The following ELOVL6 variants were observed in gnomAD, a reference collection of about 807,000 sequenced individuals.
ELOVL6 encodes ELOVL fatty acid elongase 6, also known as very long chain fatty acid elongase 6.
ELOVL6 carries 8 observed loss-of-function variants against 31.7 expected under a neutral mutation model. The ratio of observed to expected loss-of-function variants is 0.25; its 90% confidence interval spans 0.15 to 0.45. The LOEUF is 0.45. ELOVL6 is among the 20% of genes least tolerant of loss of function. ELOVL6 has a pLI of 1.00. For missense variants in ELOVL6, 126 were observed against 326.4 expected (o/e 0.39, Z 4.73); for synonymous variants, 101 against 117.7 (o/e 0.86, Z 0.92).
At chr4:110,079,139 T>G (rs1306256656) in intron 2 of ELOVL6, among the ~76,000 whole-genome samples, 1 of 152,164 alleles carries the variant, frequency 6.6e-6, no homozygotes, top group African/African-American at 2.4e-5. Context: ...ACAATAATAA[T>G]GGGAGACTTT....
rs146917779 is a variant in ELOVL6, at chr4:110,168,343, C to T, written c.89+29904G>A. Among the ~76,000 whole-genome samples the T allele has an allele frequency of 1.4e-3, 210 of 151,846 alleles. 1 individual carries two copies. Among genetic ancestry groups the T allele is most frequent in the African/African-American group, 4.9e-3 (202 of 41,392 alleles). On this transcript the variant is annotated intron_variant, in intron 1 of 3. Transcript: ENST00000302274. ...CGGCTTGGGCAACAAGGCGAAACCC[C>T]GTCTCTACTAAAAAAATATGCAAAA...
rs1451605049 is a variant in ELOVL6, at chr4:110,048,477, G to C, written c.*2861C>G. The C allele has an allele frequency of 1.3e-5, 2 of 152,086 alleles. No homozygotes were observed. The highest frequency in any genetic ancestry group is 1.3e-4 in the Admixed American group (2 of 15,270). The allele number at this position is 152,086 out of a possible 1,614,324, so 9.4% of individuals were successfully genotyped here. A position where few individuals can be genotyped will look rare whatever the true frequency, so the allele number is the denominator to read the frequency against. ...TGCAGTGGAAAATCTTCAATAGAAA[G>C]ATACTCTATTGCAGCATAGTGGGGC... On this transcript the variant is annotated 3_prime_UTR_variant, in exon 4 of 4. Transcript: ENST00000302274.
intron 2 of ELOVL6, among the ~76,000 whole-genome samples, chr4:110,081,577 T>C (rs913964622): frequency 6.6e-6 from 1 of 151,362 alleles, no homozygotes; most frequent in Non-Finnish European, 1.5e-5. Context: ...CCTTACACCT[T>C]ATACAAAAAT....
At chr4:110,178,582 C>T (rs903388755) in intron 1 of ELOVL6, among the ~76,000 whole-genome samples, 9 of 151,384 alleles carry the variant, frequency 5.9e-5, no homozygotes, top group South Asian at 2.1e-4. Context: ...ATGGGCCAGA[C>T]GCGGTGGCTC....
intron 1 of ELOVL6, among the ~76,000 whole-genome samples, chr4:110,178,014 T>C (rs1478014651): frequency 6.6e-6 from 1 of 152,164 alleles, no homozygotes; most frequent in Non-Finnish European, 1.5e-5. Context: ...AAGCTACTAG[T>C]TTTCTTTGCC....
intron 1 of ELOVL6, among the ~76,000 whole-genome samples, chr4:110,120,114 C>T (rs1245626108): frequency 8.6e-5 from 13 of 152,040 alleles, no homozygotes; most frequent in Admixed American, 8.5e-4. Context: ...CAAAGCATGC[C>T]CTTTGAGAAT....
chr4:110,113,312 G>A (rs1378677002), intron 1 of ELOVL6, among the ~76,000 whole-genome samples: 1 of 152,024 alleles, frequency 6.6e-6, no homozygotes, highest in African/African-American at 2.4e-5. Context: ...GGGCATGGTG[G>A]CTCATGCCTG....
chr4:110,185,180 A>C (rs909573412), intron 1 of ELOVL6, among the ~76,000 whole-genome samples: 1 of 152,222 alleles, frequency 6.6e-6, no homozygotes, highest in Non-Finnish European at 1.5e-5. Flanking sequence ...GTGCAATCAC[A>C]CATAATATCA....
At chr4:110,141,326 G>T (rs1757948553) in intron 1 of ELOVL6, among the ~76,000 whole-genome samples, 1 of 152,136 alleles carries the variant, frequency 6.6e-6, no homozygotes, top group African/African-American at 2.4e-5. Context: ...GCCTCCTAAA[G>T]TGCTGGGATT....
At chr4:110,146,124 T>C (rs952154138) in intron 1 of ELOVL6, among the ~76,000 whole-genome samples, 1 of 152,126 alleles carries the variant, frequency 6.6e-6, no homozygotes, top group Non-Finnish European at 1.5e-5. Flanking sequence ...CAAAACAGCA[T>C]GGTACTGCTG....
intron 1 of ELOVL6, among the ~76,000 whole-genome samples, chr4:110,148,389 G>A (rs1029524346): frequency 1.1e-4 from 16 of 151,048 alleles, no homozygotes; most frequent in Non-Finnish European, 1.6e-4. Flanking sequence ...AAAGACAAAC[G>A]CTGCATCTTC....
chr4:110,119,230 G>T (rs111373673), intron 1 of ELOVL6, among the ~76,000 whole-genome samples: 533 of 152,188 alleles, frequency 3.5e-3, no homozygotes, highest in African/African-American at 0.012. Flanking sequence ...CCAGTATGTA[G>T]AGGTTGCAGT....
chr4:110,066,825 T>A (rs1755319651), intron 2 of ELOVL6, among the ~76,000 whole-genome samples: 1 of 152,084 alleles, frequency 6.6e-6, no homozygotes, highest in Non-Finnish European at 1.5e-5. Context: ...GGTATACATG[T>A]GCCATGGTGG....
At chr4:110,108,307 C>A (rs956709517) in intron 1 of ELOVL6, among the ~76,000 whole-genome samples, 1 of 152,078 alleles carries the variant, frequency 6.6e-6, no homozygotes, top group Admixed American at 6.6e-5. Flanking sequence ...CAATCATAAA[C>A]CAAGTTAAAT....
At chr4:110,168,168 G>T (rs1416536784) in intron 1 of ELOVL6, among the ~76,000 whole-genome samples, 1 of 152,048 alleles carries the variant, frequency 6.6e-6, no homozygotes, top group Non-Finnish European at 1.5e-5. Flanking sequence ...TCATTTTTAG[G>T]TGTATTTTTA....
chr4:110,084,216 AACT>A, intron 2 of ELOVL6, among the ~76,000 whole-genome samples: 1 of 76,762 alleles, frequency 1.3e-5, no homozygotes, highest in South Asian at 4.3e-4. Flanking sequence ...TATAACATAT[AACT>A]TATATGATAT....
chr4:110,045,920 G>T lies in ELOVL6; in HGVS notation c.*5418C>A, dbSNP rs371687507. The stretch of plus-strand genomic sequence containing the variant: ...AGGAAAAAATATTTTTTTTAATGTC[G>T]TGAAATAAGCACTTGAAAATAACAA... On this transcript the variant is annotated 3_prime_UTR_variant, in exon 4 of 4. Transcript: ENST00000302274. 1 of 151,812 alleles carries T rather than the reference G, an allele frequency of 6.6e-6. No homozygotes were observed. The highest frequency in any genetic ancestry group is 2.4e-5 in the African/African-American group (1 of 41,282). 9.4% of individuals were successfully genotyped at this position (151,812 alleles called of 1,614,324 possible). A position where few individuals can be genotyped will look rare whatever the true frequency, so the allele number is the denominator to read the frequency against.
intron 1 of ELOVL6, among the ~76,000 whole-genome samples, chr4:110,122,692 C>T (rs1757388011): frequency 6.6e-6 from 1 of 152,208 alleles, no homozygotes; most frequent in African/African-American, 2.4e-5. Context: ...AATGCTTTGA[C>T]ATGGTTCAAA....
chr4:110,096,015 TC>T (rs1178051608), intron 2 of ELOVL6, among the ~76,000 whole-genome samples: 1 of 152,128 alleles, frequency 6.6e-6, no homozygotes, highest in Non-Finnish European at 1.5e-5. Context: ...TTTGGAAATA[TC>T]ACAGACAGGC....
Sources: gnomAD v4.1 joint callset for allele counts (sites outside exome capture counted in the v4.1 genomes callset) on GRCh38, gnomAD v4.1.1 for gene constraint, MANE v1.5 for transcripts, NCBI Gene and HGNC (gene_info 2026-07-23, HGNC 2026-07-21) for gene names.